The following MAP3K3 variants were observed in gnomAD, a reference collection of about 807,000 sequenced individuals.
MAP3K3 encodes the protein MAP/ERK kinase kinase 3.
Under a neutral mutation model 80.9 loss-of-function variants are expected in MAP3K3, and 12 were observed. That is an observed-to-expected ratio of 0.15 (90% CI 0.10 to 0.24). The LOEUF (loss-of-function observed/expected upper bound fraction) is 0.24, where lower values mean the gene tolerates loss of function less well. Ranked by LOEUF, MAP3K3 falls within the 10% of genes least tolerant of loss-of-function variation. The pLI, the probability that MAP3K3 is intolerant of heterozygous loss-of-function variation, is 1.00. For missense variants in MAP3K3, 596 were observed against 834.7 expected, an observed-to-expected ratio of 0.71 and a Z score of 3.52; for synonymous variants, 272 against 307.1, an observed-to-expected ratio of 0.89 and a Z score of 1.19.
chr17:63,677,062 A>G (rs1047937187), intron 6 of MAP3K3, among the ~76,000 whole-genome samples: 3 of 152,218 alleles, frequency 2.0e-5, no homozygotes, highest in African/African-American at 4.8e-5. Flanking sequence ...ATGGGATTCT[A>G]CGGAGTTCCT....
intron 6 of MAP3K3, among the ~76,000 whole-genome samples, chr17:63,673,591 T>G (rs965916253): frequency 3.9e-5 from 6 of 152,194 alleles, no homozygotes; most frequent in African/African-American, 1.2e-4. Flanking sequence ...GGTGGTGCCC[T>G]TAAGCCATGT....
chr17:63,656,659 G>A (rs2034775729), intron 4 of MAP3K3, among the ~76,000 whole-genome samples: 1 of 152,066 alleles, frequency 6.6e-6, no homozygotes, highest in African/African-American at 2.4e-5. Context: ...CCTAAGCAAG[G>A]CATACGTTTG....
intron 2 of MAP3K3, among the ~76,000 whole-genome samples, chr17:63,641,466 C>T (rs1247634374): frequency 6.6e-6 from 1 of 152,122 alleles, no homozygotes; most frequent in Non-Finnish European, 1.5e-5. Flanking sequence ...TGGTCTCGAA[C>T]TCCTGACCTC....
chr17:63,679,211 A>C (rs1360405419), intron 6 of MAP3K3, among the ~76,000 whole-genome samples: 1 of 152,166 alleles, frequency 6.6e-6, no homozygotes, highest in Non-Finnish European at 1.5e-5. Flanking sequence ...CCCTGTTCCT[A>C]AAAGTGCACA....
chr17:63,629,737 C>G (rs1225115353), intron 1 of MAP3K3, among the ~76,000 whole-genome samples: 1 of 152,212 alleles, frequency 6.6e-6, no homozygotes, highest in Non-Finnish European at 1.5e-5. Flanking sequence ...CCCTGATTCA[C>G]TTGTGTCAGT....
Position 63,692,464 on chromosome 17 carries a change from A to C in MAP3K3, c.1652+45A>C. 6.5e-7 allele frequency: 1 copy of C among 1,549,918 alleles called. No individual in the cohort carries two copies. Among genetic ancestry groups the C allele is most frequent in the Non-Finnish European group, 8.7e-7 (1 of 1,148,078 alleles). On this transcript the variant is annotated intron_variant, in intron 15 of 15. Transcript: ENST00000361733. The surrounding 1 kb of genome is among the most constrained non-coding windows in gnomAD (Gnocchi z 4.5). ...GAACCCATTCTTCCACCCAGGCCAT[A>C]GTGGCCCCCCATTAGAAACACACCC...
Position 63,691,623 on chromosome 17 carries a change from A to T in MAP3K3, c.1345-110A>T, listed in dbSNP as rs2035592566. On this transcript the variant is annotated intron_variant, in intron 13 of 15. Transcript: ENST00000361733. This position sits in a 1 kb window ranked among gnomAD's most constrained non-coding sequence, Gnocchi z 4.8. ...CTGGCAAAATGCCCTGCCCAGCCAG[A>T]TAGGAATTGAACAAATCACTCCTTT... The T allele has an allele frequency of 3.4e-6, 5 of 1,461,032 alleles. No homozygotes were observed. The highest frequency in any genetic ancestry group is 4.6e-6 in the Non-Finnish European group (5 of 1,079,396). 90.5% of individuals were successfully genotyped at this position (1,461,032 alleles called of 1,614,324 possible). A position where few individuals can be genotyped will look rare whatever the true frequency, so the allele number is the denominator to read the frequency against.
intron 6 of MAP3K3, among the ~76,000 whole-genome samples, chr17:63,670,310 T>C (rs990566633): frequency 5.3e-5 from 8 of 151,996 alleles, no homozygotes; most frequent in African/African-American, 1.9e-4. Context: ...GGGCTGGGCA[T>C]GGTGGCTCAC....
intron 11 of MAP3K3, 76 bp from the exon 12 acceptor site, chr17:63,690,188 C>T: frequency 5.9e-6 from 9 of 1,520,830 alleles, no homozygotes; most frequent in Non-Finnish European, 8.0e-6. Flanking sequence ...GAGCCAGAGA[C>T]CCTGTTCCTG....
chr17:63,649,651 A>G (rs932904645), intron 3 of MAP3K3, among the ~76,000 whole-genome samples: 8 of 152,088 alleles, frequency 5.3e-5, no homozygotes, highest in African/African-American at 1.4e-4. Flanking sequence ...CAAGCTATCC[A>G]CCTGCCTTGG....
intron 2 of MAP3K3, 27 bp from the exon 3 acceptor site, chr17:63,646,007 T>C (rs533949737): frequency 1.2e-6 from 2 of 1,607,346 alleles, no homozygotes; most frequent in South Asian, 2.2e-5. Context: ...GAGAATTCTC[T>C]AACCTGTCTA....
chr17:63,685,066 G>A (rs2035418992), intron 7 of MAP3K3, among the ~76,000 whole-genome samples: 1 of 152,184 alleles, frequency 6.6e-6, no homozygotes. Flanking sequence ...CTTTAGACAA[G>A]TCTCCTAACC....
intron 6 of MAP3K3, among the ~76,000 whole-genome samples, chr17:63,667,922 A>T (rs1314409550): frequency 6.6e-6 from 1 of 152,186 alleles, no homozygotes; most frequent in Non-Finnish European, 1.5e-5. Context: ...AGTCCTTCCC[A>T]GGACAGGAAT....
In MAP3K3 at chr17:63,691,240, G is replaced by GC; in HGVS notation, c.1344+11dup. ...CATGGAGTACATGCCAGGGGTACGT[G>GC]CCCCTTGAATGCATGTGAGACACAC... On this transcript the variant is annotated splice_region_variant and intron_variant, in intron 13 of 15. Coordinates refer to ENST00000361733, the MANE Select transcript of MAP3K3 (RefSeq NM_002401.5). This position sits in a 1 kb window ranked among gnomAD's most constrained non-coding sequence, Gnocchi z 4.8. The GC allele has an allele frequency of 1.2e-6, 2 of 1,614,040 alleles. No homozygotes were observed. Among genetic ancestry groups the GC allele is most frequent in the Non-Finnish European group, 1.7e-6 (2 of 1,180,020 alleles).
chr17:63,656,598 C>G (rs2034774354), intron 4 of MAP3K3, among the ~76,000 whole-genome samples: 1 of 152,078 alleles, frequency 6.6e-6, no homozygotes, highest in Non-Finnish European at 1.5e-5. Context: ...GAGTAAGACT[C>G]TGTCTCCAAA....
intron 1 of MAP3K3, among the ~76,000 whole-genome samples, chr17:63,626,389 G>A (rs1161036732): frequency 6.6e-6 from 1 of 152,142 alleles, no homozygotes; most frequent in Non-Finnish European, 1.5e-5. Context: ...TGTCGTTTTG[G>A]TATTGACACA....
At chr17:63,667,275 T>C (rs1041301680) in intron 6 of MAP3K3, among the ~76,000 whole-genome samples, 1 of 152,178 alleles carries the variant, frequency 6.6e-6, no homozygotes, top group African/African-American at 2.4e-5. Context: ...TATAATGATA[T>C]AGTAGTGTGA....
intron 6 of MAP3K3, among the ~76,000 whole-genome samples, chr17:63,675,871 G>C (rs942564799): frequency 2.0e-5 from 3 of 152,204 alleles, no homozygotes; most frequent in Non-Finnish European, 4.4e-5. Context: ...TGTGCTTTGG[G>C]CTGTCTGGCT....
chr17:63,632,013 T>C (rs16947009), intron 1 of MAP3K3, among the ~76,000 whole-genome samples: 3,601 of 152,324 alleles, frequency 0.024, 131 homozygotes, highest in African/African-American at 0.082. Flanking sequence ...CCTCTCTCTA[T>C]GGATTCATCT....
Sources: gnomAD v4.1 joint callset for allele counts (sites outside exome capture counted in the v4.1 genomes callset) on GRCh38, gnomAD v4.1.1 for gene constraint, Gnocchi (gnomAD v3.1) non-coding constraint, MANE v1.5 for transcripts, NCBI Gene and HGNC (gene_info 2026-07-23, HGNC 2026-07-21) for gene names.